The following ABTB2 variants were observed in gnomAD, a reference collection of about 807,000 sequenced individuals.
ABTB2 encodes the protein ankyrin repeat and BTB domain containing 2, also known as ankyrin repeat and BTB/POZ domain-containing protein 2.
In ABTB2, 56 loss-of-function variants were observed where a neutral mutation model predicts 104.1. That is an observed-to-expected ratio of 0.54 (90% CI 0.43 to 0.67). The LOEUF is 0.67. Ranked by LOEUF, ABTB2 falls within the 30% of genes least tolerant of loss-of-function variation. The probability of loss-of-function intolerance (pLI) is 0.00; values close to 1 mark genes in which losing one functional copy is unlikely to be tolerated. For synonymous variants in ABTB2, 606 were observed against 608.2 expected (o/e 1.00, Z 0.05); for missense variants, 1,279 against 1,407.7 (o/e 0.91, Z 1.46).
chr11:34,172,371 CA>C (rs1230787869), intron 4 of ABTB2, among the ~76,000 whole-genome samples: 100 of 61,668 alleles, frequency 1.6e-3, no homozygotes, highest in African/African-American at 6.4e-3. Flanking sequence ...AACTCTGTCT[CA>C]AAAAAAAAAA....
chr11:34,277,836 C>G (rs1283217878), intron 1 of ABTB2, among the ~76,000 whole-genome samples: 1 of 125,496 alleles, frequency 8.0e-6, no homozygotes, highest in Non-Finnish European at 1.6e-5. Context: ...TGGAGTCGTG[C>G]TCTTGTTGCC....
intron 1 of ABTB2, among the ~76,000 whole-genome samples, chr11:34,313,298 G>T (rs951087857): frequency 6.6e-6 from 1 of 152,206 alleles, no homozygotes; most frequent in Admixed American, 6.5e-5. Context: ...CTGGCTCCCG[G>T]ACAGACGGAG....
intron 1 of ABTB2, among the ~76,000 whole-genome samples, chr11:34,261,130 G>GA (rs1335925851): frequency 1.3e-5 from 2 of 151,246 alleles, no homozygotes; most frequent in African/African-American, 4.9e-5. Context: ...CTCCCCGCCT[G>GA]CCCCCCCCAA....
chr11:34,155,207 T>C (rs1852606896), intron 14 of ABTB2, among the ~76,000 whole-genome samples: 1 of 152,070 alleles, frequency 6.6e-6, no homozygotes, highest in Admixed American at 6.5e-5. Context: ...ACACAGGGAG[T>C]AGCAGTGGGA....
chr11:34,306,032 TA>T (rs1416760705), intron 1 of ABTB2, among the ~76,000 whole-genome samples: 4 of 152,102 alleles, frequency 2.6e-5, no homozygotes, highest in Admixed American at 6.5e-5. Flanking sequence ...TTTGTTCGTA[TA>T]AAAAAATAAT....
chr11:34,341,339 T>C (rs1244164236), intron 1 of ABTB2, among the ~76,000 whole-genome samples: 1 of 152,174 alleles, frequency 6.6e-6, no homozygotes, highest in Non-Finnish European at 1.5e-5. Context: ...ACCAATGGCC[T>C]TAATCTCCAT....
intron 1 of ABTB2, among the ~76,000 whole-genome samples, chr11:34,236,655 G>C (rs1255844778): frequency 6.6e-6 from 1 of 152,186 alleles, no homozygotes; most frequent in African/African-American, 2.4e-5. Context: ...TGATCTCCTG[G>C]GGAAGCAGAA....
intron 11 of ABTB2, among the ~76,000 whole-genome samples, chr11:34,160,629 G>A (rs1852699199): frequency 6.9e-6 from 1 of 145,544 alleles, no homozygotes; most frequent in Non-Finnish European, 1.5e-5. Flanking sequence ...GTTGGGTGGG[G>A]GGGTTCCTGG....
Position 34,154,414 on chromosome 11 carries a change from G to T in ABTB2, c.2767-36C>A. On this transcript the variant is annotated intron_variant, in intron 15 of 16. Coordinates refer to ENST00000435224, the MANE Select transcript of ABTB2 (RefSeq NM_145804.3). This position sits in a 1 kb window ranked among gnomAD's most constrained non-coding sequence, Gnocchi z 4.9. ...GGCAGAGCAGGTCTTGGGGACCCATGGCCAGACCAGTGGCCCAGACAGCAC... is the reference window on the plus strand; with the variant it reads ...GGCAGAGCAGGTCTTGGGGACCCATTGCCAGACCAGTGGCCCAGACAGCAC... 6.7e-7 allele frequency: 1 copy of T among 1,484,654 alleles called. No individual in the cohort carries two copies. 92.0% of individuals were successfully genotyped at this position (1,484,654 alleles called of 1,614,324 possible). A position where few individuals can be genotyped will look rare whatever the true frequency, so the allele number is the denominator to read the frequency against.
chr11:34,351,625 TCAAATA>T (rs1367482683), intron 1 of ABTB2, among the ~76,000 whole-genome samples: 1 of 152,198 alleles, frequency 6.6e-6, no homozygotes, highest in Non-Finnish European at 1.5e-5. Context: ...TCAAAGGAAT[TCAAATA>T]CAAATTTTAA....
chr11:34,326,271 CA>C (rs1227196255), intron 1 of ABTB2, among the ~76,000 whole-genome samples: 2 of 151,690 alleles, frequency 1.3e-5, no homozygotes, highest in African/African-American at 2.4e-5. Flanking sequence ...GACCACCCAC[CA>C]AAAAAACCAC....
rs140192869 is a variant in ABTB2 at position 34,238,580 on chromosome 11, G to A, written c.884-33890C>T. On this transcript the variant is annotated intron_variant, in intron 1 of 16. Coordinates refer to ENST00000435224, the MANE Select transcript of ABTB2 (RefSeq NM_145804.3). The stretch of plus-strand genomic sequence containing the variant: ...CAAATACCAATCCGGTACCTACCAC[G>A]TGCCAAGTACTCAACATATATGAGC... 3.3e-5 allele frequency among the ~76,000 whole-genome samples: 5 copies of A among 152,248 alleles called. No homozygotes were observed. In the East Asian group the frequency reaches 5.8e-4, roughly 18 times the overall value.
At chr11:34,215,382 G>C (rs569001816) in intron 1 of ABTB2, among the ~76,000 whole-genome samples, 2 of 152,240 alleles carry the variant, frequency 1.3e-5, no homozygotes, top group Non-Finnish European at 2.9e-5. Flanking sequence ...TTAAGGAAAA[G>C]ATGCAAACAT....
intron 1 of ABTB2, among the ~76,000 whole-genome samples, chr11:34,338,732 C>T (rs774589667): frequency 5.9e-5 from 9 of 152,022 alleles, no homozygotes; most frequent in Non-Finnish European, 8.8e-5. Context: ...GATGTCTTAG[C>T]CCCACTTTTA....
rs545248636 is a variant in ABTB2 at position 34,313,371 on chromosome 11, C to T, written c.883+43330G>A. ...TCCTGGGTAGGATGTGGTCTGACCA[C>T]ATTCTTTGAAGTGTATGGTAGCTCC... On this transcript the variant is annotated intron_variant, in intron 1 of 16. Coordinates refer to ENST00000435224, the MANE Select transcript of ABTB2 (RefSeq NM_145804.3). Among the ~76,000 whole-genome samples, 14 of 152,344 alleles carry T rather than the reference C, an allele frequency of 9.2e-5. No individual in the cohort carries two copies. The South Asian group carries it at 2.9e-3, about 32-fold the overall frequency.
At chr11:34,155,201 A>G (rs1852606591) in intron 14 of ABTB2, among the ~76,000 whole-genome samples, 1 of 152,222 alleles carries the variant, frequency 6.6e-6, no homozygotes. Flanking sequence ...AATTCTACAC[A>G]GGGAGTAGCA....
At chr11:34,279,916 A>G (rs998458759) in intron 1 of ABTB2, among the ~76,000 whole-genome samples, 1 of 151,048 alleles carries the variant, frequency 6.6e-6, no homozygotes, top group East Asian at 1.9e-4. Flanking sequence ...AGCCTCCCAA[A>G]TAGCTGGGAC....
intron 2 of ABTB2, 54 bp downstream of exon 2, chr11:34,204,490 C>T: frequency 6.6e-7 from 1 of 1,512,928 alleles, no homozygotes. Context: ...TTCCCCCAGC[C>T]CTGAGACCTC....
intron 1 of ABTB2, among the ~76,000 whole-genome samples, chr11:34,230,030 G>T (rs537979152): frequency 3.8e-4 from 58 of 152,214 alleles, no homozygotes; most frequent in African/African-American, 1.4e-3. Flanking sequence ...TCAACAGCAG[G>T]GCCCCTAGTC....
Sources: gnomAD v4.1 joint callset for allele counts (sites outside exome capture counted in the v4.1 genomes callset) on GRCh38, gnomAD v4.1.1 for gene constraint, Gnocchi (gnomAD v3.1) non-coding constraint, MANE v1.5 for transcripts, NCBI Gene and HGNC (gene_info 2026-07-23, HGNC 2026-07-21) for gene names.